CCDC149: variants seen among roughly 807,000 people sequenced by gnomAD.
CCDC149 encodes the protein coiled-coil domain-containing protein 149.
A neutral mutation model predicts 59.9 loss-of-function variants in CCDC149; 45 were observed. The observed-to-expected ratio is 0.75, with a 90% CI of 0.59 to 0.96. The LOEUF is 0.96. Ranked by LOEUF, CCDC149 falls within the 40% of genes least tolerant of loss-of-function variation. CCDC149 has a pLI of 0.00. For synonymous variants in CCDC149, 245 were observed against 260.6 expected, an observed-to-expected ratio of 0.94 and a Z score of 0.58; for missense variants, 584 against 664.7, an observed-to-expected ratio of 0.88 and a Z score of 1.33.
At chr4:24,848,725 T>C (rs1717474610) in intron 4 of CCDC149, among the ~76,000 whole-genome samples, 1 of 152,044 alleles carries the variant, frequency 6.6e-6, no homozygotes, top group Non-Finnish European at 1.5e-5. Context: ...AAAAATCATA[T>C]GCTGAGGTTG....
At chr4:24,931,840 T>TATATATATATATATATAC in intron 1 of CCDC149, among the ~76,000 whole-genome samples, 2 of 140,108 alleles carry the variant, frequency 1.4e-5, no homozygotes, top group South Asian at 2.2e-4. Context: ...TATATATATA[T>TATATATATATATATATAC]ATATATATAT....
chr4:24,876,618 T>C lies in CCDC149; in HGVS notation c.143A>G (p.Gln48Arg). The C allele has an allele frequency of 1.2e-6, 2 of 1,614,200 alleles. No homozygotes were observed. The highest frequency in any genetic ancestry group is 1.7e-6 in the Non-Finnish European group (2 of 1,180,028). The change falls in exon 2 of 13, where the codon CAG (glutamine) becomes CGG (arginine). Residue 48 changes from glutamine (Q) to arginine (R), a missense_variant. Transcript: ENST00000635206. Reference sequence around the variant, plus strand: ...CATGAGTTTGTACTGGTCCCTTTCCTGTTGACAGGTGTCCAGCTCCTTGGA... The same window carrying C: ...CATGAGTTTGTACTGGTCCCTTTCCCGTTGACAGGTGTCCAGCTCCTTGGA...
At chr4:24,893,973 T>C (rs192700108) in intron 1 of CCDC149, among the ~76,000 whole-genome samples, 1 of 152,262 alleles carries the variant, frequency 6.6e-6, no homozygotes, top group East Asian at 1.9e-4. Flanking sequence ...CATTCACTCA[T>C]TCATTCCTTC....
chr4:24,969,868 A>G (rs192604502), intron 1 of CCDC149, among the ~76,000 whole-genome samples: 1 of 152,368 alleles, frequency 6.6e-6, no homozygotes, highest in East Asian at 1.9e-4. Context: ...GAGGGCCTAC[A>G]GTGTGACTTG....
At chr4:24,879,609 C>T (rs535949805) in intron 1 of CCDC149, among the ~76,000 whole-genome samples, 2 of 150,678 alleles carry the variant, frequency 1.3e-5, no homozygotes, top group African/African-American at 4.9e-5. Flanking sequence ...CGCTTGAACT[C>T]GGGAGGCGGA....
At chr4:24,961,065 C>T (rs1309111431) in intron 1 of CCDC149, among the ~76,000 whole-genome samples, 2 of 152,200 alleles carry the variant, frequency 1.3e-5, no homozygotes, top group African/African-American at 4.8e-5. Flanking sequence ...AATACACATT[C>T]TTCTCAAATG....
At chr4:24,850,911 C>A (rs756600983) in intron 4 of CCDC149, among the ~76,000 whole-genome samples, 2 of 151,442 alleles carry the variant, frequency 1.3e-5, no homozygotes, top group Non-Finnish European at 2.9e-5. Flanking sequence ...AGCCCTGTAA[C>A]TTTAGAGGCA....
intron 1 of CCDC149, 132 bp downstream of exon 1, chr4:24,912,685 G>T: frequency 2.0e-6 from 1 of 490,162 alleles, no homozygotes; most frequent in Non-Finnish European, 2.9e-6. Flanking sequence ...TCGCGCGGGT[G>T]CGGCAGCCGC....
chr4:24,902,985 A>G (rs1297291753), intron 1 of CCDC149, among the ~76,000 whole-genome samples: 3 of 135,478 alleles, frequency 2.2e-5, no homozygotes, highest in Non-Finnish European at 4.6e-5. Flanking sequence ...AGACTGTGCC[A>G]TTACACTCCA....
intron 1 of CCDC149, among the ~76,000 whole-genome samples, chr4:24,949,500 A>G (rs1301346654): frequency 3.9e-5 from 6 of 152,066 alleles, no homozygotes; most frequent in East Asian, 3.9e-4. Context: ...GAGCTCCTAT[A>G]TTTGTTTATT....
intron 1 of CCDC149, among the ~76,000 whole-genome samples, chr4:24,906,992 G>A (rs541254679): frequency 4.1e-4 from 62 of 152,282 alleles, no homozygotes; most frequent in African/African-American, 1.5e-3. Flanking sequence ...TTAGTATTTC[G>A]TTAAGTCCCT....
chr4:24,908,691 C>A (rs1456371578), intron 1 of CCDC149, among the ~76,000 whole-genome samples: 1 of 152,186 alleles, frequency 6.6e-6, no homozygotes, highest in Non-Finnish European at 1.5e-5. Flanking sequence ...CAGAGTGAGA[C>A]CTCATCTCTA....
chr4:24,839,576 C>T (rs112514987), intron 4 of CCDC149, among the ~76,000 whole-genome samples: 71 of 152,246 alleles, frequency 4.7e-4, no homozygotes, highest in African/African-American at 1.6e-3. Context: ...TTGCAGTCTT[C>T]CAAAACATAA....
intron 1 of CCDC149, among the ~76,000 whole-genome samples, chr4:24,967,293 C>T (rs1723830005): frequency 6.6e-6 from 1 of 152,134 alleles, no homozygotes; most frequent in Non-Finnish European, 1.5e-5. Context: ...ACAGAGATAA[C>T]TGAGACAATT....
At chr4:24,849,268 C>T (rs143943488) in intron 4 of CCDC149, among the ~76,000 whole-genome samples, 13 of 152,262 alleles carry the variant, frequency 8.5e-5, no homozygotes, top group African/African-American at 3.1e-4. Context: ...CAAAGCTTTT[C>T]GAGGGTAATG....
At chr4:24,971,803 T>G (rs1260525184) in intron 1 of CCDC149, among the ~76,000 whole-genome samples, 2 of 152,220 alleles carry the variant, frequency 1.3e-5, no homozygotes, top group Non-Finnish European at 2.9e-5. Context: ...ACAGACTCTT[T>G]AAGTCTGATA....
At chr4:24,811,559 C>A (rs1432978388) in intron 12 of CCDC149, among the ~76,000 whole-genome samples, 1 of 152,156 alleles carries the variant, frequency 6.6e-6, no homozygotes, top group African/African-American at 2.4e-5. Flanking sequence ...CCTTATAGCT[C>A]TGGAATCAGA....
chr4:24,876,297 AC>A (rs1689522133), intron 2 of CCDC149, among the ~76,000 whole-genome samples: 1 of 51,536 alleles, frequency 1.9e-5, no homozygotes, highest in Non-Finnish European at 4.0e-5. Context: ...ACACGTACAC[AC>A]ACACACACAC....
At chr4:24,920,150 T>C (rs1722244228) in intron 1 of CCDC149, among the ~76,000 whole-genome samples, 1 of 152,218 alleles carries the variant, frequency 6.6e-6, no homozygotes. Context: ...ACCCAAAACC[T>C]GTGGCTTAAA....
Sources: allele counts gnomAD v4.1 joint callset (sites outside exome capture counted in the v4.1 genomes callset), GRCh38; gene constraint gnomAD v4.1.1; transcripts MANE v1.5; gene names NCBI Gene and HGNC (gene_info 2026-07-23, HGNC 2026-07-21).